PPFIA2: variants seen among roughly 807,000 people sequenced by gnomAD.
The protein encoded by PPFIA2 is liprin-alpha-2.
Under a neutral mutation model 175.5 loss-of-function variants are expected in PPFIA2, and 46 were observed. The ratio of observed to expected loss-of-function variants is 0.26; its 90% CI spans 0.21 to 0.34. The LOEUF is 0.34. Among genes scored for constraint, PPFIA2 ranks in the 10% least tolerant of loss-of-function variants. The pLI, the probability that PPFIA2 is intolerant of heterozygous loss-of-function variation, is 1.00. For synonymous variants in PPFIA2, 568 were observed against 511.4 expected, an observed-to-expected ratio of 1.11 and a Z score of -1.49; for missense variants, 1,179 against 1,506.1, an observed-to-expected ratio of 0.78 and a Z score of 3.60.
intron 7 of PPFIA2, among the ~76,000 whole-genome samples, chr12:81,407,343 C>T (rs777189487): frequency 3.3e-5 from 5 of 151,782 alleles, no homozygotes; most frequent in East Asian, 3.9e-4. Flanking sequence ...ATTAGCCGGG[C>T]GTGATGGTGG....
At chr12:81,466,957 A>T (rs1346205208) in intron 4 of PPFIA2, among the ~76,000 whole-genome samples, 1 of 148,642 alleles carries the variant, frequency 6.7e-6, no homozygotes. Context: ...TATATATATT[A>T]AAAACCATGC....
In PPFIA2 at chr12:81,347,605, A is replaced by G; in HGVS notation, c.2160T>C (p.Ser720=). The G allele has an allele frequency of 6.2e-7, 1 of 1,613,774 alleles. No individual in the cohort carries two copies. Among genetic ancestry groups the G allele is most frequent in the Non-Finnish European group, 8.5e-7 (1 of 1,179,768 alleles). Reference sequence around the variant, plus strand: ...GGGTGAGCTTTGGAGTTGAGTGTCCACTGGGGGGAGATGAACTGGCCAGCG... The same window carrying G: ...GGGTGAGCTTTGGAGTTGAGTGTCCGCTGGGGGGAGATGAACTGGCCAGCG... ...ASSLASSSPP[S]GHSTPKLTPR... The change falls in exon 18 of 33, where the codon AGT becomes AGC. Residue 720 remains serine (S), a synonymous_variant. Coordinates refer to ENST00000549396, the MANE Select transcript of PPFIA2 (RefSeq NM_003625.5).
At chr12:81,666,482 AC>A (rs1428923211) in intron 4 of PPFIA2, among the ~76,000 whole-genome samples, 1 of 152,146 alleles carries the variant, frequency 6.6e-6, no homozygotes, top group Non-Finnish European at 1.5e-5. Flanking sequence ...GAAGCTGGAA[AC>A]CATCATTCTC....
Position 81,519,524 on chromosome 12 carries a change from C to T in PPFIA2, c.304-61658G>A, listed in dbSNP as rs564080411. Among the ~76,000 whole-genome samples the T allele has an allele frequency of 9.2e-5, 14 of 152,244 alleles. No individual in the cohort carries two copies. The South Asian group carries it at 2.7e-3, about 29-fold the overall frequency. ...ATTACATAAGCATGCAATAGGACAG[C>T]CTATAGGGGTACAGTTAGTCGCAGG... On this transcript the variant is annotated intron_variant, in intron 4 of 32. Transcript: ENST00000549396.
intron 6 of PPFIA2, among the ~76,000 whole-genome samples, chr12:81,442,456 A>G (rs1037372065): frequency 6.6e-6 from 1 of 152,002 alleles, no homozygotes; most frequent in African/African-American, 2.4e-5. Context: ...TAATAAAAAT[A>G]TATAGGGAAG....
At chr12:81,334,502 A>C (rs560857177) in intron 21 of PPFIA2, among the ~76,000 whole-genome samples, 1 of 151,434 alleles carries the variant, frequency 6.6e-6, no homozygotes, top group East Asian at 1.9e-4. Context: ...AAAAAAAAAA[A>C]AATAAATCTC....
chr12:81,588,780 C>A (rs1036258436), intron 4 of PPFIA2, among the ~76,000 whole-genome samples: 11 of 151,940 alleles, frequency 7.2e-5, no homozygotes, highest in African/African-American at 2.7e-4. Context: ...ATCTATGGAC[C>A]ATACCATACC....
intron 4 of PPFIA2, chr12:81,472,905 G>T (rs2056953391): frequency 6.6e-6 from 1 of 151,994 alleles, no homozygotes; most frequent in Admixed American, 6.6e-5. Flanking sequence ...TGCTTTCTTG[G>T]GAAGCACTTT....
chr12:81,554,511 G>A (rs1194376773), intron 4 of PPFIA2, among the ~76,000 whole-genome samples: 1 of 151,818 alleles, frequency 6.6e-6, no homozygotes, highest in East Asian at 1.9e-4. Context: ...GGAACACATG[G>A]CCTCCAAATT....
chr12:81,277,520 A>G, intron 27 of PPFIA2, 106 bp from the exon 28 acceptor site: 2 of 1,122,286 alleles, frequency 1.8e-6, no homozygotes, highest in South Asian at 3.6e-5. Flanking sequence ...TCTTAGGGCA[A>G]CAAGTTAATA....
At chr12:81,560,263 T>C (rs1405174200) in intron 4 of PPFIA2, among the ~76,000 whole-genome samples, 2 of 150,744 alleles carry the variant, frequency 1.3e-5, no homozygotes, top group African/African-American at 4.9e-5. Context: ...TCTGTGTGTA[T>C]GTGTGTGTGT....
chr12:81,688,662 A>G (rs1057321059), intron 3 of PPFIA2, among the ~76,000 whole-genome samples: 36 of 151,240 alleles, frequency 2.4e-4, no homozygotes, highest in African/African-American at 8.7e-4. Flanking sequence ...GAAGAATAAA[A>G]TACTGTCTTT....
rs780957364 is a variant in PPFIA2 at position 81,351,738 on chromosome 12, T to TAA, written c.1994+1379_1994+1380dup. Among the ~76,000 whole-genome samples, 13 of 92,324 alleles carry TAA rather than the reference T, an allele frequency of 1.4e-4. No individual in the cohort carries two copies. The Middle Eastern group carries it at 0.016, about 115-fold the overall frequency. 60.6% of individuals were successfully genotyped at this position (92,324 alleles called of 152,430 possible). A position where few individuals can be genotyped will look rare whatever the true frequency, so the allele number is the denominator to read the frequency against. ...GGGAGACTATGTCTCTACAAAAAATTAAAAAAAAAAAAAAAAAAAAGACAG... is the reference window on the plus strand; with the variant it reads ...GGGAGACTATGTCTCTACAAAAAATTAAAAAAAAAAAAAAAAAAAAAAGACAG... On this transcript the variant is annotated intron_variant, in intron 17 of 32. Transcript: ENST00000549396.
At chr12:81,715,041 A>C (rs2078419946) in intron 3 of PPFIA2, among the ~76,000 whole-genome samples, 1 of 150,960 alleles carries the variant, frequency 6.6e-6, no homozygotes. Flanking sequence ...TCCCTATGTC[A>C]TTCTTCTTCA....
chr12:81,314,389 A>G (rs112230693), intron 22 of PPFIA2, among the ~76,000 whole-genome samples: 1,759 of 152,058 alleles, frequency 0.012, 18 homozygotes, highest in Middle Eastern at 0.024. Context: ...ATAGTAAGAA[A>G]GATTCTGTCA....
chr12:81,544,853 A>T (rs2066752639), intron 4 of PPFIA2, among the ~76,000 whole-genome samples: 1 of 152,180 alleles, frequency 6.6e-6, no homozygotes, highest in Non-Finnish European at 1.5e-5. Context: ...CAAAGTCCTG[A>T]GCTCAAAAGC....
chr12:81,368,896 C>A (rs780754200), intron 12 of PPFIA2, 40 bp from the exon 13 acceptor site: 5 of 1,579,114 alleles, frequency 3.2e-6, no homozygotes, highest in Non-Finnish European at 2.6e-6. Context: ...CATTCAAAAA[C>A]TGTTTGAGAT....
chr12:81,504,436 A>G (rs538508285), intron 4 of PPFIA2, among the ~76,000 whole-genome samples: 2 of 152,304 alleles, frequency 1.3e-5, no homozygotes, highest in South Asian at 4.1e-4. Context: ...AATCAAAACC[A>G]CAATGAGACA....
At chr12:81,467,189 A>G (rs1001496342) in intron 4 of PPFIA2, among the ~76,000 whole-genome samples, 5 of 152,144 alleles carry the variant, frequency 3.3e-5, no homozygotes, top group Non-Finnish European at 5.9e-5. Context: ...GTGATACAGT[A>G]AAAATACTCA....
Sources: allele counts gnomAD v4.1 joint callset (sites outside exome capture counted in the v4.1 genomes callset), GRCh38; gene constraint gnomAD v4.1.1; transcripts MANE v1.5; gene names NCBI Gene and HGNC (gene_info 2026-07-23, HGNC 2026-07-21).